HR: variants seen among roughly 807,000 people sequenced by gnomAD.
HR encodes HR lysine demethylase and nuclear receptor corepressor.
Under a neutral mutation model 128.6 loss-of-function variants are expected in HR, and 83 were observed. The observed-to-expected ratio is 0.65, with a 90% CI of 0.54 to 0.77. The LOEUF (loss-of-function observed/expected upper bound fraction) is 0.77, where lower values mean the gene tolerates loss of function less well. HR is among the 30% of genes least tolerant of loss of function. The pLI is 0.00. For missense variants in HR, 1,490 were observed against 1,574.6 expected, an observed-to-expected ratio of 0.95 and a Z score of 0.91; for synonymous variants, 681 against 658.2, an observed-to-expected ratio of 1.03 and a Z score of -0.53.
chr8:22,129,914 C>T (rs967298259), intron 1 of HR, among the ~76,000 whole-genome samples: 5 of 152,352 alleles, frequency 3.3e-5, no homozygotes, highest in South Asian at 2.1e-4. Context: ...AGGAACCCCG[C>T]CCTGGCCCCC....
At position 22,125,415 on chromosome 8, in the gene HR, C is replaced by G; in HGVS notation, c.1646G>C (p.Arg549Pro). Reference sequence around the variant, plus strand: ...GTGCTTGGCGAGGCCTGTGCTGAGCCGGCTGTCAGGGCCGGACCCTGGGCC... The same window carrying G: ...GTGCTTGGCGAGGCCTGTGCTGAGCGGGCTGTCAGGGCCGGACCCTGGGCC... ...EEGPGSGPDS[R>P]LSTGLAKHLL... Residue 549 changes from arginine to proline, a missense_variant, in exon 5 of 19, where the codon CGG (arginine) becomes CCG (proline). By Grantham distance (103) the Arg-to-Pro change is moderately radical. Coordinates refer to ENST00000381418, the MANE Select transcript of HR (RefSeq NM_005144.5). 2 of 1,612,740 alleles carry G rather than the reference C, an allele frequency of 1.2e-6. No individual in the cohort carries two copies. Among genetic ancestry groups the G allele is most frequent in the Non-Finnish European group, 1.7e-6 (2 of 1,179,840 alleles).
chr8:22,123,499 T>A, intron 6 of HR, 150 bp downstream of exon 6: 2 of 752,096 alleles, frequency 2.7e-6, no homozygotes, highest in Non-Finnish European at 4.3e-6. Flanking sequence ...GGAAGTCTGC[T>A]CTAAGGGCAT....
rs1487495178 is a variant in HR at position 22,116,008 on chromosome 8, G to A, written c.3508-246C>T. 1.3e-5 allele frequency among the ~76,000 whole-genome samples: 2 copies of A among 152,164 alleles called. No homozygotes were observed. The highest frequency in any genetic ancestry group is 2.9e-5 in the Non-Finnish European group (2 of 68,026). On this transcript the variant is annotated intron_variant, in intron 18 of 18. Coordinates refer to ENST00000381418, the MANE Select transcript of HR (RefSeq NM_005144.5). This position sits in a 1 kb window ranked among gnomAD's most constrained non-coding sequence, Gnocchi z 4.2. Reference sequence around the variant, plus strand: ...AATTTAACCAGGCATGGTGGTGGGCGCCTGTAGTCCCAGCTACTTGGGAGG... The same window carrying A: ...AATTTAACCAGGCATGGTGGTGGGCACCTGTAGTCCCAGCTACTTGGGAGG...
In HR at chr8:22,121,546, C is replaced by T; in HGVS notation, c.2203+67G>A. 3.2e-6 allele frequency: 5 copies of T among 1,542,152 alleles called. 1 individual carries two copies. In the South Asian group the frequency reaches 3.3e-5, roughly 10 times the overall value. On this transcript the variant is annotated intron_variant, in intron 9 of 18. Transcript: ENST00000381418. ...TCCCCGGAGACTTCCGCGACTGTCCCCTCCTGCCTCAAACTCTGGCCCAGC... is the reference window on the plus strand; with the variant it reads ...TCCCCGGAGACTTCCGCGACTGTCCTCTCCTGCCTCAAACTCTGGCCCAGC...
chr8:22,121,270 C>T (rs1221180084), intron 9 of HR, 42 bp from the exon 10 acceptor site: 6 of 1,604,668 alleles, frequency 3.7e-6, no homozygotes, highest in Non-Finnish European at 4.3e-6. Flanking sequence ...CGTTTGGTCC[C>T]TCCTCTTCCC....
At position 22,119,055 on chromosome 8, in the gene HR, T is replaced by C; in HGVS notation, c.3108A>G (p.Ser1036=). The C allele has an allele frequency of 1.9e-6, 3 of 1,613,268 alleles. No individual in the cohort carries two copies. Among genetic ancestry groups the C allele is most frequent in the East Asian group, 2.2e-5 (1 of 44,880 alleles). ...ACCAGAGCCCCTCCCCGTCCAGGCCTGAAAGGAAGTCTGAGGAGGAAAGAG... is the reference window on the plus strand; with the variant it reads ...ACCAGAGCCCCTCCCCGTCCAGGCCCGAAAGGAAGTCTGAGGAGGAAAGAG... ...AWHRAQKDFL[S]GLDGEGLWSP... Residue 1036 remains serine, a synonymous_variant, in exon 16 of 19, where the codon TCA becomes TCG. Transcript: ENST00000381418.
rs569125827 is a variant in HR at position 22,120,496 on chromosome 8, C to T, written c.2622G>A (p.Val874=). The part of the protein sequence containing the change: ...EHWRQGQPVL[V]SGIQRTLQGN... Reference sequence around the variant, plus strand: ...CCTGCAATGTCCTTTGGATCCCTGACACCAACACAGGCTGTGGTGGGAAAG... The same window carrying T: ...CCTGCAATGTCCTTTGGATCCCTGATACCAACACAGGCTGTGGTGGGAAAG... Residue 874 remains valine (V), a synonymous_variant, in exon 12 of 19, where the codon GTG becomes GTA. Coordinates refer to ENST00000381418, the MANE Select transcript of HR (RefSeq NM_005144.5). 1.1e-4 allele frequency: 171 copies of T among 1,613,902 alleles called. 2 individuals are homozygous for T. In the South Asian group the frequency reaches 1.7e-3, roughly 16 times the overall value.
In HR at chr8:22,116,220, C is replaced by A; in HGVS notation, c.3507+80G>T. On this transcript the variant is annotated intron_variant, in intron 18 of 18. Transcript: ENST00000381418. This position sits in a 1 kb window ranked among gnomAD's most constrained non-coding sequence, Gnocchi z 4.2. ...CCTGCTTGGCACAGGGTGGGATCTG[C>A]TATGTCCACTGCAGCTGTGGCACAG... 6.3e-7 allele frequency: 1 copy of A among 1,599,860 alleles called. No homozygotes were observed. Among genetic ancestry groups the A allele is most frequent in the Non-Finnish European group, 8.5e-7 (1 of 1,170,212 alleles).
At chr8:22,120,683 C>G (rs1041391347) in intron 11 of HR, 33 bp downstream of exon 11, 2 of 1,508,950 alleles carry the variant, frequency 1.3e-6, no homozygotes, top group Non-Finnish European at 1.8e-6. Flanking sequence ...GTGGGGTGGC[C>G]AGGGCCGGGA....
In HR at chr8:22,121,091, C is replaced by T. The variant is rs942855695; in HGVS notation, c.2341G>A (p.Ala781Thr). The change falls in exon 10 of 19, where the codon GCC becomes ACC. Residue 781 changes from alanine (A) to threonine (T), a missense_variant. Physicochemically the swap from Ala to Thr is moderately conservative, Grantham distance 58. Transcript: ENST00000381418. ...LGHERIHMAF[A>T]PVTPALPSDD... ...CTGGGCAGGGCCGGAGTGACGGGGG[C>T]GAAGGCCATGTGTATTCGCTCATGG... 6 of 1,613,628 alleles carry T rather than the reference C, an allele frequency of 3.7e-6. No homozygotes were observed. Among genetic ancestry groups the T allele is most frequent in the Non-Finnish European group, 5.1e-6 (6 of 1,180,040 alleles).
At chr8:22,127,915 A>G (rs1826943592) in intron 2 of HR, 86 bp from the exon 3 acceptor site, 4 of 1,306,650 alleles carry the variant, frequency 3.1e-6, no homozygotes, top group Non-Finnish European at 4.4e-6. Context: ...GCAAGAAGGA[A>G]GGGGAGAATA....
At chr8:22,119,616 C>CAAAAAA in intron 14 of HR, 144 bp downstream of exon 14, 1 of 922,632 alleles carries the variant, frequency 1.1e-6, no homozygotes, top group Non-Finnish European at 1.5e-6. Context: ...TCAACAACAA[C>CAAAAAA]AAAAAAAAAA....
chr8:22,128,342 G>A (rs1826955551), intron 2 of HR: 6 of 643,050 alleles, frequency 9.3e-6, no homozygotes, highest in Middle Eastern at 2.9e-4. Flanking sequence ...GTCAGTGGCT[G>A]CAATGACCCG....
At position 22,115,494 on chromosome 8, in the gene HR, GAGA is replaced by G. The variant is rs543548609; in HGVS notation, c.*203_*205del. Reference sequence around the variant, plus strand: ...CACAGGGTGGGGGAGATGCCAGCCTGAGAAGGACAGGTGTGAGCTTGGTGGCAC... The same window carrying G: ...CACAGGGTGGGGGAGATGCCAGCCTGAGGACAGGTGTGAGCTTGGTGGCAC... On this transcript the variant is annotated 3_prime_UTR_variant, in exon 19 of 19. Coordinates refer to ENST00000381418, the MANE Select transcript of HR (RefSeq NM_005144.5). The G allele has an allele frequency of 2.9e-5, 18 of 631,448 alleles. No homozygotes were observed. The East Asian group carries it at 4.7e-4, about 16-fold the overall frequency. The allele number at this position is 631,448 out of a possible 1,614,324, so 39.1% of individuals were successfully genotyped here.
At position 22,120,354 on chromosome 8, in the gene HR, A is replaced by T; in HGVS notation, c.2764T>A (p.Ser922Thr). The T allele has an allele frequency of 6.2e-7, 1 of 1,613,788 alleles. No individual in the cohort carries two copies. The highest frequency in any genetic ancestry group is 8.5e-7 in the Non-Finnish European group (1 of 1,180,004). The change falls in exon 12 of 19, where the codon TCC becomes ACC. Residue 922 changes from serine (S) to threonine (T), a missense_variant. This residue lies in a region of HR where 423 missense variants were observed against 495.9 expected (regional missense o/e 0.85). Transcript: ENST00000381418. ...LGSTTFWEGF[S>T]WPELRPKSDE... ...TGGGGACACTTACGCTCAGGCCAGGAGAAGCCCTCCCAGAATGTTGTGCTG... is the reference window on the plus strand; with the variant it reads ...TGGGGACACTTACGCTCAGGCCAGGTGAAGCCCTCCCAGAATGTTGTGCTG...
At chr8:22,120,227 C>T (rs1826703162) in intron 12 of HR, 54 bp from the exon 13 acceptor site, 4 of 1,598,354 alleles carry the variant, frequency 2.5e-6, no homozygotes, top group African/African-American at 1.3e-5. Context: ...AGCCCCTGCC[C>T]CGGCGGCAGC....
chr8:22,118,636 G>C (rs575675698), intron 16 of HR: 7 of 427,534 alleles, frequency 1.6e-5, no homozygotes, highest in African/African-American at 6.0e-5. Flanking sequence ...CTCATGGGGC[G>C]GGGGGCTGAG....
At position 22,116,848 on chromosome 8, in the gene HR, G is replaced by A. The variant is rs771136934; in HGVS notation, c.3378+27C>T. 1.5e-5 allele frequency: 23 copies of A among 1,560,424 alleles called. No individual in the cohort carries two copies. The highest frequency in any genetic ancestry group is 2.3e-5 in the South Asian group (2 of 85,228). The stretch of plus-strand genomic sequence containing the variant: ...TCGCTTCTGCCATCCTGATCTCCCC[G>A]CAGAGCCCCTGCCCGCTGGGAAGCA... On this transcript the variant is annotated intron_variant, in intron 17 of 18. Transcript: ENST00000381418. The surrounding 1 kb of genome is among the most constrained non-coding windows in gnomAD (Gnocchi z 4.2).
Position 22,120,466 on chromosome 8 carries a change from G to C in HR, c.2652C>G (p.Asn884Lys). 5 of 1,614,042 alleles carry C rather than the reference G, an allele frequency of 3.1e-6. No individual in the cohort carries two copies. The highest frequency in any genetic ancestry group is 4.2e-6 in the Non-Finnish European group (5 of 1,180,034). ...VSGIQRTLQG[N>K]LWGTEALGAL... ...CCCCAAGAGCTTCTGTCCCCCACAG[G>C]TTGCCCTGCAATGTCCTTTGGATCC... The change falls in exon 12 of 19, where the codon AAC becomes AAG. Residue 884 changes from asparagine to lysine, a missense_variant. This residue lies in a region of HR where 423 missense variants were observed against 495.9 expected (regional missense o/e 0.85). Coordinates refer to ENST00000381418, the MANE Select transcript of HR (RefSeq NM_005144.5).
Sources: allele counts gnomAD v4.1 joint callset (sites outside exome capture counted in the v4.1 genomes callset), GRCh38; gene constraint gnomAD v4.1.1; regional missense constraint gnomAD v4.1.1; non-coding constraint Gnocchi (gnomAD v3.1); transcripts MANE v1.5; gene names NCBI Gene and HGNC (gene_info 2026-07-23, HGNC 2026-07-21).